Variants in PIK3R6 observed in about 807,000 individuals in gnomAD.
PIK3R6 encodes the protein phosphoinositide-3-kinase regulatory subunit 6.
Under a neutral mutation model 84.9 loss-of-function variants are expected in PIK3R6, and 91 were observed. The observed-to-expected ratio is 1.07, with a 90% CI of 0.90 to 1.28. The LOEUF (loss-of-function observed/expected upper bound fraction) is 1.28. Among genes scored for constraint, PIK3R6 ranks in the 50% most tolerant of loss-of-function variants. The pLI, the probability that PIK3R6 is intolerant of heterozygous loss-of-function variation, is 0.00. For missense variants in PIK3R6, 996 were observed against 985.1 expected, an observed-to-expected ratio of 1.01 and a Z score of -0.15; for synonymous variants, 416 against 411.4, an observed-to-expected ratio of 1.01 and a Z score of -0.13.
Position 8,803,253 on chromosome 17 carries a change from G to A in PIK3R6, c.*20C>T. The A allele has an allele frequency of 6.2e-7, 1 of 1,611,496 alleles. No homozygotes were observed. The highest frequency in any genetic ancestry group is 1.1e-5 in the South Asian group (1 of 90,980). The stretch of plus-strand genomic sequence containing the variant: ...GTGGGGTAGTGTATCCTTCCTCCTG[G>A]GCCTGCTGTCCCTGCAGGCTCACTG... On this transcript the variant is annotated 3_prime_UTR_variant, in exon 20 of 20. Coordinates refer to ENST00000619866, the MANE Select transcript of PIK3R6 (RefSeq NM_001010855.4). The surrounding 1 kb of genome is among the most constrained non-coding windows in gnomAD (Gnocchi z 5.0).
Position 8,803,856 on chromosome 17 carries a change from G to C in PIK3R6, c.2108+185C>G, listed in dbSNP as rs758467121. On this transcript the variant is annotated intron_variant, in intron 19 of 19. Coordinates refer to ENST00000619866, the MANE Select transcript of PIK3R6 (RefSeq NM_001010855.4). This position sits in a 1 kb window ranked among gnomAD's most constrained non-coding sequence, Gnocchi z 5.0. ...CCTGGGTATGCCATTCATTTGCCTCGACTTCCTGGATCCAAAGCATAGGGC... is the reference window on the plus strand; with the variant it reads ...CCTGGGTATGCCATTCATTTGCCTCCACTTCCTGGATCCAAAGCATAGGGC... 4.9e-6 allele frequency: 3 copies of C among 609,990 alleles called. No individual in the cohort carries two copies. The highest frequency in any genetic ancestry group is 8.8e-6 in the Non-Finnish European group (3 of 342,818). 37.8% of individuals were successfully genotyped at this position (609,990 alleles called of 1,614,324 possible).
chr17:8,804,425 G>C (rs1434408843), intron 18 of PIK3R6, among the ~76,000 whole-genome samples: 1 of 152,170 alleles, frequency 6.6e-6, no homozygotes, highest in Admixed American at 6.5e-5. Flanking sequence ...GTGCTTGCCA[G>C]GTTGTCAAGT....
chr17:8,845,175 G>A (rs1251359128), intron 2 of PIK3R6, among the ~76,000 whole-genome samples: 1 of 152,120 alleles, frequency 6.6e-6, no homozygotes, highest in Non-Finnish European at 1.5e-5. Flanking sequence ...TTGTTTTTGG[G>A]GGGATATATA....
In PIK3R6 at chr17:8,840,761, G is replaced by A. The variant is rs1415126923; in HGVS notation, c.14-1064C>T. ...TTATTATTATTATTTTTGTGTGTGTGTGTGTGTGTGAGACGGAGTCTAACT... is the reference window on the plus strand; with the variant it reads ...TTATTATTATTATTTTTGTGTGTGTATGTGTGTGTGAGACGGAGTCTAACT... On this transcript the variant is annotated intron_variant, in intron 2 of 19. Coordinates refer to ENST00000619866, the MANE Select transcript of PIK3R6 (RefSeq NM_001010855.4). Among the ~76,000 whole-genome samples, 4 of 150,648 alleles carry A rather than the reference G, an allele frequency of 2.7e-5. No homozygotes were observed. In the East Asian group the frequency reaches 5.8e-4, roughly 22 times the overall value.
chr17:8,855,935 C>T (rs761391847), intron 1 of PIK3R6, among the ~76,000 whole-genome samples: 1 of 152,184 alleles, frequency 6.6e-6, no homozygotes, highest in Non-Finnish European at 1.5e-5. Context: ...AACACAAATG[C>T]CTTCAGTGGG....
In PIK3R6 at chr17:8,803,096, G is replaced by A; in HGVS notation, c.*177C>T. 1.4e-6 allele frequency: 1 copy of A among 698,294 alleles called. No individual in the cohort carries two copies. Among genetic ancestry groups the A allele is most frequent in the Non-Finnish European group, 2.3e-6 (1 of 425,586 alleles). The allele number at this position is 698,294 out of a possible 1,614,324, so 43.3% of individuals were successfully genotyped here. ...CTGGGCCATCCGTAGACCTCCATGT[G>A]GGCCCTTCCTCATCACAGTCCCCAG... On this transcript the variant is annotated 3_prime_UTR_variant, in exon 20 of 20. Coordinates refer to ENST00000619866, the MANE Select transcript of PIK3R6 (RefSeq NM_001010855.4). The surrounding 1 kb of genome is among the most constrained non-coding windows in gnomAD (Gnocchi z 5.0).
intron 10 of PIK3R6, among the ~76,000 whole-genome samples, chr17:8,829,336 A>G (rs1410198317): frequency 2.1e-5 from 3 of 146,338 alleles, no homozygotes; most frequent in Admixed American, 6.8e-5. Context: ...ACACCCATGC[A>G]AGCACACACA....
rs1567619431 is a variant in PIK3R6, at chr17:8,864,528, T to TG, written c.-92+3000_-92+3001insC. ...ACTTATAACCCAGGTCCTTCACAGCTCTTTTTTTTTTTTTTTTTTTTTTTT... is the reference window on the plus strand; with the variant it reads ...ACTTATAACCCAGGTCCTTCACAGCTGCTTTTTTTTTTTTTTTTTTTTTTTT... On this transcript the variant is annotated intron_variant, in intron 1 of 19. Coordinates refer to ENST00000619866, the MANE Select transcript of PIK3R6 (RefSeq NM_001010855.4). Among the ~76,000 whole-genome samples, 570 of 124,428 alleles carry TG rather than the reference T, an allele frequency of 4.6e-3. 24 individuals are homozygous for TG. The highest frequency in any genetic ancestry group is 0.017 in the African/African-American group (519 of 30,306). 81.6% of individuals were successfully genotyped at this position (124,428 alleles called of 152,430 possible). A position where few individuals can be genotyped will look rare whatever the true frequency, so the allele number is the denominator to read the frequency against.
chr17:8,847,952 C>T (rs1256440766), intron 2 of PIK3R6, among the ~76,000 whole-genome samples: 1 of 152,206 alleles, frequency 6.6e-6, no homozygotes, highest in Non-Finnish European at 1.5e-5. Context: ...GCATCCCTCC[C>T]TGCTTATTGC....
rs576647995 is a variant in PIK3R6, at chr17:8,811,801, C to T, written c.1995+7282G>A. Among the ~76,000 whole-genome samples the T allele has an allele frequency of 1.3e-5, 2 of 148,260 alleles. 1 individual carries two copies. The highest frequency in any genetic ancestry group is 4.6e-4 in the South Asian group (2 of 4,342). On this transcript the variant is annotated intron_variant, in intron 18 of 19. Transcript: ENST00000619866. ...CATTCAAAAAGTCTCTAGGAAGTTC[C>T]AAGCTTTCCCATTTTCCTGTCTTCT...
At chr17:8,828,011 A>C (rs2088004677) in intron 12 of PIK3R6, 101 bp downstream of exon 12, 1 of 1,234,430 alleles carries the variant, frequency 8.1e-7, no homozygotes, top group Non-Finnish European at 1.2e-6. Flanking sequence ...TGCTTACTCT[A>C]GTCCCTGAGC....
chr17:8,854,397 T>C (rs2089070269), intron 1 of PIK3R6, among the ~76,000 whole-genome samples: 2 of 152,176 alleles, frequency 1.3e-5, no homozygotes, highest in Admixed American at 1.3e-4. Context: ...TCCTCCCGCC[T>C]CGGTCTCCCA....
rs1267305262 is a variant in PIK3R6 at position 8,820,780 on chromosome 17, TCAGAAAGG to T, written c.1879+1058_1879+1065del. On this transcript the variant is annotated intron_variant, in intron 17 of 19. Coordinates refer to ENST00000619866, the MANE Select transcript of PIK3R6 (RefSeq NM_001010855.4). ...ACTTATGAACACAAATGCATTATTG[TCAGAAAGG>T]CGCCTTAATTGGAATGCTAGCAAAG... Among the ~76,000 whole-genome samples the T allele has an allele frequency of 2.6e-5, 4 of 152,282 alleles. No homozygotes were observed. In the East Asian group the frequency reaches 7.7e-4, roughly 29 times the overall value.
chr17:8,863,281 T>C lies in PIK3R6; in HGVS notation c.-92+4248A>G, dbSNP rs144981038. On this transcript the variant is annotated intron_variant, in intron 1 of 19. Transcript: ENST00000619866. ...CATATATTTATGGGGTACAAAGTGATATTATGATAGACGTATATAATGTGG... is the reference window on the plus strand; with the variant it reads ...CATATATTTATGGGGTACAAAGTGACATTATGATAGACGTATATAATGTGG... Among the ~76,000 whole-genome samples the C allele has an allele frequency of 1.3e-3, 203 of 152,318 alleles. 1 individual carries two copies. In the East Asian group the frequency reaches 0.02, roughly 15 times the overall value.
At chr17:8,836,402 C>T in intron 7 of PIK3R6, 145 bp downstream of exon 7, 1 of 838,706 alleles carries the variant, frequency 1.2e-6, no homozygotes. Flanking sequence ...ACGCACCCCA[C>T]TGCTGGACAA....
At chr17:8,828,038 G>A in intron 12 of PIK3R6, 74 bp downstream of exon 12, 2 of 1,454,334 alleles carry the variant, frequency 1.4e-6, no homozygotes, top group South Asian at 1.2e-5. Context: ...TGTGGGGGAT[G>A]CGGGGCTGCA....
In PIK3R6 at chr17:8,844,094, G is replaced by A. The variant is rs367611340; in HGVS notation, c.14-4397C>T. On this transcript the variant is annotated intron_variant, in intron 2 of 19. Transcript: ENST00000619866. The surrounding 1 kb of genome is among the most constrained non-coding windows in gnomAD (Gnocchi z 4.5). The stretch of plus-strand genomic sequence containing the variant: ...GCTGGGACAAAGCTTACCAGTGGCG[G>A]CAAAGGTCAGATGAAGGCCGCTAAG... Among the ~76,000 whole-genome samples the A allele has an allele frequency of 6.6e-6, 1 of 152,186 alleles. No individual in the cohort carries two copies. Among genetic ancestry groups the A allele is most frequent in the Non-Finnish European group, 1.5e-5 (1 of 68,032 alleles).
Position 8,833,054 on chromosome 17 carries a change from G to C in PIK3R6, c.646-9C>G. 1 of 1,569,580 alleles carries C rather than the reference G, an allele frequency of 6.4e-7. No individual in the cohort carries two copies. Among genetic ancestry groups the C allele is most frequent in the Non-Finnish European group, 8.6e-7 (1 of 1,161,104 alleles). ...GTGCGGCGAGGGCTGGCCTGTTGGG[G>C]AGGGGCGTCAGAGCCTGGGTCTTGG... On this transcript the variant is annotated splice_polypyrimidine_tract_variant and intron_variant, in intron 8 of 19. Coordinates refer to ENST00000619866, the MANE Select transcript of PIK3R6 (RefSeq NM_001010855.4).
intron 1 of PIK3R6, among the ~76,000 whole-genome samples, chr17:8,855,306 A>C (rs632078): frequency 9.9e-5 from 15 of 151,274 alleles, no homozygotes; most frequent in Middle Eastern, 3.2e-3. Context: ...TGCAAATCAC[A>C]TCTGACAAAG....
Sources: gnomAD v4.1 joint callset for allele counts (sites outside exome capture counted in the v4.1 genomes callset) on GRCh38, gnomAD v4.1.1 for gene constraint, Gnocchi (gnomAD v3.1) non-coding constraint, MANE v1.5 for transcripts, NCBI Gene and HGNC (gene_info 2026-07-23, HGNC 2026-07-21) for gene names.